The following ABL1 variants were observed in gnomAD, a reference collection of about 807,000 sequenced individuals.
ABL1 encodes ABL proto-oncogene 1, non-receptor tyrosine kinase, also known as tyrosine-protein kinase ABL1.
In ABL1, 11 loss-of-function variants were observed where a neutral mutation model predicts 94.7. The observed-to-expected ratio is 0.12, with a 90% CI of 0.07 to 0.19. The LOEUF is 0.19. Ranked by LOEUF, ABL1 falls within the 10% of genes least tolerant of loss-of-function variation. The pLI, the probability that ABL1 is intolerant of heterozygous loss-of-function variation, is 1.00. For synonymous variants in ABL1, 656 were observed against 622.4 expected, an observed-to-expected ratio of 1.05 and a Z score of -0.80; for missense variants, 1,082 against 1,489.4, an observed-to-expected ratio of 0.73 and a Z score of 4.50.
chr9:130,723,468 C>T (rs1831540549), intron 1 of ABL1, among the ~76,000 whole-genome samples: 1 of 152,122 alleles, frequency 6.6e-6, no homozygotes, highest in Non-Finnish European at 1.5e-5. Context: ...TTACTTGAGT[C>T]CAGGAGTTCG....
At chr9:130,856,702 G>T (rs74472390) in intron 3 of ABL1, among the ~76,000 whole-genome samples, 1 of 152,284 alleles carries the variant, frequency 6.6e-6, no homozygotes, top group African/African-American at 2.4e-5. Flanking sequence ...TGTTTATGTG[G>T]ATGTTTATAT....
At chr9:130,718,965 A>G (rs1447374628) in intron 1 of ABL1, among the ~76,000 whole-genome samples, 1 of 152,152 alleles carries the variant, frequency 6.6e-6, no homozygotes, top group African/African-American at 2.4e-5. Context: ...CTAACACTGA[A>G]TGATGTCTGT....
intron 1 of ABL1, among the ~76,000 whole-genome samples, chr9:130,771,147 C>T (rs953869513): frequency 6.6e-6 from 1 of 152,186 alleles, no homozygotes; most frequent in Non-Finnish European, 1.5e-5. Context: ...GGTGGTGCTC[C>T]CTTCAAAAGC....
chr9:130,822,127 C>A (rs1410370336), intron 1 of ABL1, among the ~76,000 whole-genome samples: 1 of 152,122 alleles, frequency 6.6e-6, no homozygotes, highest in African/African-American at 2.4e-5. Flanking sequence ...CGTGAGCCAC[C>A]ATGCCTGGCA....
intron 1 of ABL1, among the ~76,000 whole-genome samples, chr9:130,784,009 C>T (rs1002069726): frequency 6.6e-6 from 1 of 152,030 alleles, no homozygotes; most frequent in African/African-American, 2.4e-5. Flanking sequence ...TTCAAGCAAC[C>T]AAGAAAAGAC....
chr9:130,868,841 G>A (rs916215986), intron 4 of ABL1, among the ~76,000 whole-genome samples: 4 of 152,012 alleles, frequency 2.6e-5, no homozygotes, highest in Non-Finnish European at 4.4e-5. Context: ...ACCTGTGCTT[G>A]GGGGTGAGCA....
At chr9:130,750,941 G>A (rs1588222806) in intron 1 of ABL1, among the ~76,000 whole-genome samples, 1 of 151,496 alleles carries the variant, frequency 6.6e-6, no homozygotes, top group South Asian at 2.1e-4. Flanking sequence ...CACCACGCCC[G>A]GCCTACATGG....
chr9:130,810,676 A>T (rs1302044475), intron 1 of ABL1, among the ~76,000 whole-genome samples: 1 of 152,004 alleles, frequency 6.6e-6, no homozygotes, highest in Admixed American at 6.6e-5. Flanking sequence ...GAGGGACAAC[A>T]TCAGGTAGCC....
At chr9:130,792,898 T>A (rs1354333867) in intron 1 of ABL1, among the ~76,000 whole-genome samples, 8 of 152,202 alleles carry the variant, frequency 5.3e-5, no homozygotes, top group African/African-American at 1.9e-4. Flanking sequence ...CTCTACAAAC[T>A]GACGGCTTAC....
At chr9:130,755,083 C>T (rs1203081137) in intron 1 of ABL1, among the ~76,000 whole-genome samples, 1 of 152,094 alleles carries the variant, frequency 6.6e-6, no homozygotes, top group African/African-American at 2.4e-5. Flanking sequence ...ACAAAAGTGT[C>T]CTGAGCGCCT....
At chr9:130,867,787 C>T (rs1831180643) in intron 4 of ABL1, among the ~76,000 whole-genome samples, 1 of 152,196 alleles carries the variant, frequency 6.6e-6, no homozygotes, top group Non-Finnish European at 1.5e-5. Flanking sequence ...GCAAGACAGG[C>T]ATTCCTTGCA....
intron 1 of ABL1, among the ~76,000 whole-genome samples, chr9:130,730,992 A>G (rs893989811): frequency 2.5e-5 from 3 of 119,462 alleles, no homozygotes; most frequent in Non-Finnish European, 5.1e-5. Flanking sequence ...TTTTCACTCT[A>G]TCTCTCTTTT....
intron 1 of ABL1, among the ~76,000 whole-genome samples, chr9:130,827,395 C>T (rs901484272): frequency 2.0e-5 from 3 of 152,202 alleles, no homozygotes; most frequent in Non-Finnish European, 4.4e-5. Context: ...CTGAAGCTTA[C>T]CAGTGGCTGT....
At chr9:130,860,534 G>A (rs1289531968) in intron 3 of ABL1, among the ~76,000 whole-genome samples, 1 of 152,204 alleles carries the variant, frequency 6.6e-6, no homozygotes, top group Non-Finnish European at 1.5e-5. Context: ...CGATCCGCCA[G>A]TTGGGGAACG....
chr9:130,859,095 T>C (rs1831020386), intron 3 of ABL1, among the ~76,000 whole-genome samples: 1 of 152,226 alleles, frequency 6.6e-6, no homozygotes. Context: ...TTCCCAAAGT[T>C]GTAACCCTCT....
intron 1 of ABL1, among the ~76,000 whole-genome samples, chr9:130,820,845 T>C (rs1830351042): frequency 6.6e-6 from 1 of 152,230 alleles, no homozygotes; most frequent in Non-Finnish European, 1.5e-5. Context: ...GTAATTTATA[T>C]GCCATAAAAT....
chr9:130,731,823 G>A (rs1196588728), intron 1 of ABL1, among the ~76,000 whole-genome samples: 4 of 151,832 alleles, frequency 2.6e-5, no homozygotes, highest in African/African-American at 9.7e-5. Flanking sequence ...TTCTCTGATT[G>A]CACTAAATCT....
intron 3 of ABL1, among the ~76,000 whole-genome samples, chr9:130,861,101 G>T (rs564636297): frequency 2.0e-5 from 3 of 152,138 alleles, no homozygotes; most frequent in African/African-American, 7.2e-5. Context: ...AAGAATAAAA[G>T]CAGGGCCGCC....
intron 1 of ABL1, among the ~76,000 whole-genome samples, chr9:130,728,637 G>A (rs912824409): frequency 9.4e-5 from 14 of 149,424 alleles, no homozygotes; most frequent in African/African-American, 2.7e-4. Flanking sequence ...TGATCCACCC[G>A]CCTCAGCCTC....
Sources: gnomAD v4.1 joint callset for allele counts (sites outside exome capture counted in the v4.1 genomes callset) on GRCh38, gnomAD v4.1.1 for gene constraint, MANE v1.5 for transcripts, NCBI Gene and HGNC (gene_info 2026-07-23, HGNC 2026-07-21) for gene names.